The following SLC25A23 variants were observed in gnomAD, a reference collection of about 807,000 sequenced individuals.
The protein encoded by SLC25A23 is mitochondrial adenyl nucleotide antiporter SLC25A23.
A neutral mutation model predicts 53.9 loss-of-function variants in SLC25A23; 32 were observed. The observed-to-expected ratio is 0.59, with a 90% CI of 0.45 to 0.80. The LOEUF (loss-of-function observed/expected upper bound fraction) is 0.80. Among genes scored for constraint, SLC25A23 ranks in the 30% least tolerant of loss-of-function variants. The pLI, the probability that SLC25A23 is intolerant of heterozygous loss-of-function variation, is 0.00. For synonymous variants in SLC25A23, 275 were observed against 264.5 expected (o/e 1.04, Z -0.38); for missense variants, 575 against 651.4 (o/e 0.88, Z 1.28).
In SLC25A23 at chr19:6,454,242, C is replaced by A. The variant is rs1229132989; in HGVS notation, c.795+81G>T. 8 of 1,550,076 alleles carry A rather than the reference C, an allele frequency of 5.2e-6. No individual in the cohort carries two copies. The highest frequency in any genetic ancestry group is 2.7e-5 in the African/African-American group (2 of 73,498). On this transcript the variant is annotated intron_variant, in intron 6 of 9. Coordinates refer to ENST00000301454, the MANE Select transcript of SLC25A23 (RefSeq NM_024103.3). The surrounding 1 kb of genome is among the most constrained non-coding windows in gnomAD (Gnocchi z 4.3). ...CTGGGGACCTGTGTTCACCACCCAC[C>A]CCCAAGCCAATCCCGTAAATCTTTA...
intron 9 of SLC25A23, chr19:6,443,602 CG>C: frequency 1.4e-6 from 1 of 702,802 alleles, no homozygotes. Context: ...CCTTCCTCTC[CG>C]GCCTGTGAGC....
chr19:6,449,049 A>G (rs1455880053), intron 8 of SLC25A23, among the ~76,000 whole-genome samples: 2 of 151,788 alleles, frequency 1.3e-5, no homozygotes, highest in African/African-American at 2.4e-5. Flanking sequence ...AAAAAGTTCT[A>G]AAGACTAGAT....
chr19:6,438,849 T>C (rs533908248), downstream of SLC25A23: 322 of 188,294 alleles, frequency 1.7e-3, 2 homozygotes, highest in African/African-American at 7.3e-3. Flanking sequence ...GACTCCTATA[T>C]CAAAAAAAAC....
In SLC25A23 at chr19:6,454,209, G is replaced by T; in HGVS notation, c.795+114C>A. ...CAGGCATTCATGCAGAGGAGCAGATGCCTGATCCTGGGGACCTGTGTTCAC... is the reference window on the plus strand; with the variant it reads ...CAGGCATTCATGCAGAGGAGCAGATTCCTGATCCTGGGGACCTGTGTTCAC... On this transcript the variant is annotated intron_variant, in intron 6 of 9. Coordinates refer to ENST00000301454, the MANE Select transcript of SLC25A23 (RefSeq NM_024103.3). This position sits in a 1 kb window ranked among gnomAD's most constrained non-coding sequence, Gnocchi z 4.3. 6.7e-7 allele frequency: 1 copy of T among 1,501,682 alleles called. No individual in the cohort carries two copies. The allele number at this position is 1,501,682 out of a possible 1,614,324, so 93.0% of individuals were successfully genotyped here. A position where few individuals can be genotyped will look rare whatever the true frequency, so the allele number is the denominator to read the frequency against.
chr19:6,452,936 A>G (rs954356399), intron 7 of SLC25A23, among the ~76,000 whole-genome samples: 11 of 152,210 alleles, frequency 7.2e-5, no homozygotes, highest in African/African-American at 2.7e-4. Flanking sequence ...GAAAAATGAC[A>G]TTTCCCAGAT....
chr19:6,454,329 A>G lies in SLC25A23; in HGVS notation c.789T>C (p.Tyr263=). The change falls in exon 6 of 10, where the codon TAT becomes TAC. Residue 263 remains tyrosine (Y), a synonymous_variant. Coordinates refer to ENST00000301454, the MANE Select transcript of SLC25A23 (RefSeq NM_024103.3). This position sits in a 1 kb window ranked among gnomAD's most constrained non-coding sequence, Gnocchi z 4.3. ...TCCCTGTACCTGCCCTCACCTGTTC[A>G]TAGGCCATGAACTTGATAGCTGACT... ...APESAIKFMA[Y]EQIKRAILGQ... The G allele has an allele frequency of 1.2e-6, 2 of 1,613,802 alleles. No homozygotes were observed. The highest frequency in any genetic ancestry group is 2.2e-5 in the East Asian group (1 of 44,890).
intron 8 of SLC25A23, among the ~76,000 whole-genome samples, chr19:6,445,054 C>T (rs145403559): frequency 0.013 from 1,932 of 152,168 alleles, 44 homozygotes; most frequent in African/African-American, 0.042. Flanking sequence ...CCTTCCCCCT[C>T]GGCCTCCCAA....
downstream of SLC25A23, chr19:6,436,372 C>A (rs1250517149): frequency 4.4e-6 from 2 of 455,454 alleles, no homozygotes; most frequent in Admixed American, 4.7e-5. Flanking sequence ...GCCAGGACAG[C>A]AAGATCCTCT....
Position 6,453,869 on chromosome 19 carries a change from C to A in SLC25A23, c.903+112G>T, listed in dbSNP as rs1347741284. 17 of 834,282 alleles carry A rather than the reference C, an allele frequency of 2.0e-5. No individual in the cohort carries two copies. In the East Asian group the frequency reaches 4.6e-4, roughly 22 times the overall value. 51.7% of individuals were successfully genotyped at this position (834,282 alleles called of 1,614,324 possible). A position where few individuals can be genotyped will look rare whatever the true frequency, so the allele number is the denominator to read the frequency against. The stretch of plus-strand genomic sequence containing the variant: ...TACTCTGATGAGCTATACTCCAAAT[C>A]AGAGAGGGACAAAGGTAAAATCCCA... On this transcript the variant is annotated intron_variant, in intron 7 of 9. Transcript: ENST00000301454.
In SLC25A23 at chr19:6,454,330, T is replaced by C; in HGVS notation, c.788A>G (p.Tyr263Cys). ...APESAIKFMAYEQIKRAILGQ... is the reference protein window; with the variant it reads ...APESAIKFMACEQIKRAILGQ... ...CCCTGTACCTGCCCTCACCTGTTCA[T>C]AGGCCATGAACTTGATAGCTGACTC... Residue 263 changes from tyrosine (Y) to cysteine (C), a missense_variant, in exon 6 of 10, where the codon TAT becomes TGT. Coordinates refer to ENST00000301454, the MANE Select transcript of SLC25A23 (RefSeq NM_024103.3). The surrounding 1 kb of genome is among the most constrained non-coding windows in gnomAD (Gnocchi z 4.3). 6.2e-7 allele frequency: 1 copy of C among 1,613,856 alleles called. No individual in the cohort carries two copies. Among genetic ancestry groups the C allele is most frequent in the Non-Finnish European group, 8.5e-7 (1 of 1,179,834 alleles).
At chr19:6,450,179 C>T (rs2092568606) in intron 8 of SLC25A23, among the ~76,000 whole-genome samples, 1 of 151,886 alleles carries the variant, frequency 6.6e-6, no homozygotes, top group Non-Finnish European at 1.5e-5. Context: ...CTCTTAATGG[C>T]TTCCTATTTT....
rs564357749 is a variant in SLC25A23 at position 6,446,343 on chromosome 19, A to G, written c.1072-2042T>C. On this transcript the variant is annotated intron_variant, in intron 8 of 9. Transcript: ENST00000301454. ...ACACCACTGCACTCCAGCCTGGGCA[A>G]TAAGAGCAAGACTGTCTCAAAAACA... 2.6e-5 allele frequency among the ~76,000 whole-genome samples: 4 copies of G among 152,286 alleles called. No individual in the cohort carries two copies. The South Asian group carries it at 8.3e-4, about 32-fold the overall frequency.
In SLC25A23 at chr19:6,454,354, T is replaced by G. The variant is rs1374968660; in HGVS notation, c.764A>C (p.Glu255Ala). The G allele has an allele frequency of 1.2e-6, 2 of 1,614,146 alleles. No individual in the cohort carries two copies. The highest frequency in any genetic ancestry group is 1.7e-6 in the Non-Finnish European group (2 of 1,180,002). The change falls in exon 6 of 10, where the codon GAG becomes GCG. Residue 255 changes from glutamate (E) to alanine (A), a missense_variant. Glu to Ala is a moderately radical substitution (Grantham distance 107, BLOSUM62 -1). Transcript: ENST00000301454. This position sits in a 1 kb window ranked among gnomAD's most constrained non-coding sequence, Gnocchi z 4.3. ...ATAGGCCATGAACTTGATAGCTGAC[T>G]CGGGGGCAATCTTGAGTACATTAAT... is the stretch of plus-strand genomic sequence containing the variant. The part of the protein sequence containing the change: ...NGINVLKIAP[E>A]SAIKFMAYEQ...
intron 8 of SLC25A23, among the ~76,000 whole-genome samples, chr19:6,446,098 T>C (rs2092500367): frequency 7.0e-6 from 1 of 143,550 alleles, no homozygotes. Context: ...CCTGGCGTCC[T>C]CACACTGGTA....
chr19:6,442,179 G>GGC lies in SLC25A23; in HGVS notation c.1223-21_1223-20insGC. The stretch of plus-strand genomic sequence containing the variant: ...TGGAGGCTGGGAGGGGGCGGGGGGG[G>GGC]CACCAGGTAAGGCCAACGTTCCCCT... On this transcript the variant is annotated intron_variant, in intron 9 of 9. Transcript: ENST00000301454. 1 of 1,456,842 alleles carries GGC rather than the reference G, an allele frequency of 6.9e-7. No individual in the cohort carries two copies. Among genetic ancestry groups the GGC allele is most frequent in the African/African-American group, 1.5e-5 (1 of 65,856 alleles). 90.2% of individuals were successfully genotyped at this position (1,456,842 alleles called of 1,614,324 possible).
intron 8 of SLC25A23, among the ~76,000 whole-genome samples, chr19:6,444,788 C>T (rs569573829): frequency 2.6e-5 from 4 of 152,100 alleles, no homozygotes; most frequent in Admixed American, 2.6e-4. Flanking sequence ...TTGCCTCAGC[C>T]TCCCGGGTAG....
At chr19:6,453,639 C>G (rs1224368489) in intron 7 of SLC25A23, among the ~76,000 whole-genome samples, 1 of 152,190 alleles carries the variant, frequency 6.6e-6, no homozygotes, top group East Asian at 1.9e-4. Context: ...CTAGCACAGT[C>G]TATCCTTAGA....
At chr19:6,444,814 C>T (rs1422013543) in intron 8 of SLC25A23, among the ~76,000 whole-genome samples, 2 of 151,342 alleles carry the variant, frequency 1.3e-5, no homozygotes, top group East Asian at 2.0e-4. Context: ...AATACAGGTG[C>T]GTGCCACCAC....
downstream of SLC25A23, chr19:6,436,435 C>T (rs760799878): frequency 8.8e-5 from 40 of 456,094 alleles, no homozygotes; most frequent in African/African-American, 2.6e-4. Flanking sequence ...ATGGTCCTCT[C>T]CATAAGGCTG....
Sources: allele counts gnomAD v4.1 joint callset (sites outside exome capture counted in the v4.1 genomes callset), GRCh38; gene constraint gnomAD v4.1.1; non-coding constraint Gnocchi (gnomAD v3.1); transcripts MANE v1.5; gene names NCBI Gene and HGNC (gene_info 2026-07-23, HGNC 2026-07-21).